Variants in THSD7B observed in about 807,000 individuals in gnomAD.
THSD7B encodes thrombospondin type-1 domain-containing protein 7B.
A neutral mutation model predicts 213.6 loss-of-function variants in THSD7B; 138 were observed. The ratio of observed to expected loss-of-function variants is 0.65; its 90% CI spans 0.56 to 0.74. The LOEUF (loss-of-function observed/expected upper bound fraction) is 0.74, where lower values mean the gene tolerates loss of function less well. Among genes scored for constraint, THSD7B ranks in the 30% least tolerant of loss-of-function variants. THSD7B has a pLI of 0.00. For missense variants in THSD7B, 1,931 were observed against 1,991.5 expected, an observed-to-expected ratio of 0.97 and a Z score of 0.58; for synonymous variants, 742 against 687.0, an observed-to-expected ratio of 1.08 and a Z score of -1.25.
chr2:137,618,325 G>T (rs1573746333), intron 18 of THSD7B, 67 bp from the exon 19 acceptor site: 2 of 1,224,356 alleles, frequency 1.6e-6, no homozygotes, highest in Middle Eastern at 3.8e-4. Context: ...GATAATCAAA[G>T]GTCTGTTGTA....
chr2:137,278,959 T>C (rs1192507381), intron 12 of THSD7B, among the ~76,000 whole-genome samples: 2 of 152,130 alleles, frequency 1.3e-5, no homozygotes, highest in Admixed American at 1.3e-4. Context: ...CATTAAGTTA[T>C]GGATTTAAGC....
intron 20 of THSD7B, among the ~76,000 whole-genome samples, chr2:137,621,302 T>C (rs575508997): frequency 1.3e-5 from 2 of 152,288 alleles, no homozygotes; most frequent in South Asian, 4.1e-4. Flanking sequence ...ACAAAATTGC[T>C]CTATGTTTCC....
intron 20 of THSD7B, among the ~76,000 whole-genome samples, chr2:137,640,320 G>A (rs929534132): frequency 6.6e-6 from 1 of 152,036 alleles, no homozygotes; most frequent in Admixed American, 6.6e-5. Context: ...TCCCATCATG[G>A]TTCTGAGGCC....
intron 2 of THSD7B, among the ~76,000 whole-genome samples, chr2:137,004,839 C>G (rs941216391): frequency 1.3e-5 from 2 of 152,260 alleles, no homozygotes; most frequent in South Asian, 2.1e-4. Flanking sequence ...CATTAATTCA[C>G]TGAGTTTTTA....
At chr2:136,926,655 C>G (rs993935491) in intron 2 of THSD7B, among the ~76,000 whole-genome samples, 1 of 151,644 alleles carries the variant, frequency 6.6e-6, no homozygotes, top group African/African-American at 2.4e-5. Flanking sequence ...GATCATGCCA[C>G]TGTACTCCAG....
chr2:137,344,682 T>C (rs764386573), intron 12 of THSD7B, among the ~76,000 whole-genome samples: 1 of 151,618 alleles, frequency 6.6e-6, no homozygotes, highest in Non-Finnish European at 1.5e-5. Flanking sequence ...TCTCTCATTA[T>C]GACATAGAAA....
At chr2:137,200,385 C>A (rs1680850661) in intron 7 of THSD7B, among the ~76,000 whole-genome samples, 1 of 151,988 alleles carries the variant, frequency 6.6e-6, no homozygotes. Context: ...ACTGTTCAAC[C>A]TTGTTTTAGG....
Position 137,161,083 on chromosome 2 carries a change from A to G in THSD7B, c.1525+715A>G, listed in dbSNP as rs558815462. 4.0e-4 allele frequency among the ~76,000 whole-genome samples: 61 copies of G among 152,284 alleles called. No individual in the cohort carries two copies. In the South Asian group the frequency reaches 5.4e-3, roughly 13 times the overall value. The stretch of plus-strand genomic sequence containing the variant: ...TAGATTTTTGCAAGGGTCATTATGT[A>G]TATTGTTTAGTTTCTGATATTGATC... On this transcript the variant is annotated intron_variant, in intron 6 of 27. Coordinates refer to ENST00000409968, the MANE Select transcript of THSD7B (RefSeq NM_001316349.2).
At chr2:137,450,798 C>T (rs1687634031) in intron 14 of THSD7B, 47 bp from the exon 15 acceptor site, 5 of 1,335,926 alleles carry the variant, frequency 3.7e-6, no homozygotes, top group Non-Finnish European at 5.1e-6. Flanking sequence ...TGAATTTGAT[C>T]AGTACATTTT....
intron 5 of THSD7B, among the ~76,000 whole-genome samples, chr2:137,158,397 C>G (rs1012628916): frequency 1.3e-5 from 2 of 152,168 alleles, no homozygotes; most frequent in Non-Finnish European, 2.9e-5. Context: ...CCTTTACATT[C>G]CCCTAATACC....
At chr2:137,135,634 A>C (rs1415896653) in intron 5 of THSD7B, among the ~76,000 whole-genome samples, 1 of 152,134 alleles carries the variant, frequency 6.6e-6, no homozygotes, top group Non-Finnish European at 1.5e-5. Flanking sequence ...GTCTGTCACA[A>C]AATCTTAGAA....
intron 12 of THSD7B, among the ~76,000 whole-genome samples, chr2:137,281,159 C>T (rs1683000182): frequency 6.6e-6 from 1 of 152,030 alleles, no homozygotes; most frequent in Non-Finnish European, 1.5e-5. Context: ...AGAGGCAGAT[C>T]TCTAAACTCT....
At position 137,287,784 on chromosome 2, in the gene THSD7B, G is replaced by A. The variant is rs965622954; in HGVS notation, c.2500+11758G>A. 2.0e-5 allele frequency among the ~76,000 whole-genome samples: 3 copies of A among 151,932 alleles called. 1 individual carries two copies. On this transcript the variant is annotated intron_variant, in intron 12 of 27. Transcript: ENST00000409968. ...TTGGATGTGAAGATGGGTGGGTGGG[G>A]GTAATTTTTTTTAAATTGGTGAATG...
intron 5 of THSD7B, among the ~76,000 whole-genome samples, chr2:137,144,013 T>C (rs1195959520): frequency 6.6e-6 from 1 of 152,102 alleles, no homozygotes. Flanking sequence ...ATGAAACACT[T>C]AAACCAACTT....
intron 5 of THSD7B, among the ~76,000 whole-genome samples, chr2:137,157,173 A>G (rs967153485): frequency 7.9e-5 from 12 of 152,160 alleles, no homozygotes; most frequent in Admixed American, 2.0e-4. Context: ...GGGAGCAAAT[A>G]CACTCATATG....
intron 15 of THSD7B, among the ~76,000 whole-genome samples, chr2:137,520,173 A>G (rs1680155537): frequency 6.6e-6 from 1 of 152,202 alleles, no homozygotes; most frequent in South Asian, 2.1e-4. Context: ...GTTGGGTGGC[A>G]GTAGGAATAA....
intron 2 of THSD7B, among the ~76,000 whole-genome samples, chr2:137,050,717 A>G (rs1441782872): frequency 6.6e-6 from 1 of 152,196 alleles, no homozygotes; most frequent in East Asian, 1.9e-4. Flanking sequence ...ACACATATTC[A>G]GGCCATGAAT....
At chr2:136,870,071 C>CAAAAAA (rs5834512) in intron 1 of THSD7B, among the ~76,000 whole-genome samples, 1 of 130,650 alleles carries the variant, frequency 7.7e-6, no homozygotes, top group African/African-American at 2.9e-5. Flanking sequence ...GACTCCGTCT[C>CAAAAAA]AAAAAAAAAA....
intron 15 of THSD7B, among the ~76,000 whole-genome samples, chr2:137,457,282 C>T (rs1573636813): frequency 6.6e-6 from 1 of 152,138 alleles, no homozygotes; most frequent in East Asian, 1.9e-4. Context: ...TTTTTTCATA[C>T]TGGTTATTGC....
Sources: allele counts gnomAD v4.1 joint callset (sites outside exome capture counted in the v4.1 genomes callset), GRCh38; gene constraint gnomAD v4.1.1; transcripts MANE v1.5; gene names NCBI Gene and HGNC (gene_info 2026-07-23, HGNC 2026-07-21).